The following ABCC11 variants were observed in gnomAD, a reference collection of about 807,000 sequenced individuals.
ABCC11 encodes the protein ATP binding cassette subfamily C member 11.
In ABCC11, 135 loss-of-function variants were observed where a neutral mutation model predicts 149.3. That is an observed-to-expected ratio of 0.90 (90% CI 0.79 to 1.04). The LOEUF (loss-of-function observed/expected upper bound fraction) is 1.04. ABCC11 is among the 50% of genes least tolerant of loss of function. The pLI is 0.00. For synonymous variants in ABCC11, 665 were observed against 671.4 expected (o/e 0.99, Z 0.15); for missense variants, 1,680 against 1,722.1 (o/e 0.98, Z 0.43).
At chr16:48,215,475 T>G in intron 7 of ABCC11, 131 bp from the exon 8 acceptor site, 1 of 1,077,442 alleles carries the variant, frequency 9.3e-7, no homozygotes, top group Non-Finnish European at 1.3e-6. Flanking sequence ...ATCAAAGCTC[T>G]CCAGGCCACT....
intron 1 of ABCC11, among the ~76,000 whole-genome samples, chr16:48,244,999 C>G (rs947544580): frequency 2.0e-5 from 3 of 152,166 alleles, no homozygotes; most frequent in Non-Finnish European, 4.4e-5. Context: ...CTTGCCTTCG[C>G]TTTTCACCTT....
At chr16:48,212,356 G>A (rs1228556047) in intron 10 of ABCC11, among the ~76,000 whole-genome samples, 2 of 151,960 alleles carry the variant, frequency 1.3e-5, no homozygotes, top group Non-Finnish European at 2.9e-5. Context: ...GGCTTCCCTG[G>A]GGCACACTGG....
intron 6 of ABCC11, among the ~76,000 whole-genome samples, chr16:48,222,132 T>C (rs1448820495): frequency 2.6e-5 from 4 of 151,822 alleles, no homozygotes; most frequent in African/African-American, 9.7e-5. Flanking sequence ...TCTTGCCATG[T>C]TGCCCAGGCT....
At chr16:48,221,707 G>A (rs942241702) in intron 6 of ABCC11, among the ~76,000 whole-genome samples, 24 of 152,104 alleles carry the variant, frequency 1.6e-4, no homozygotes, top group African/African-American at 5.8e-4. Flanking sequence ...AACATAATCT[G>A]GCTCAGAATA....
chr16:48,225,292 T>C (rs1970003209), intron 4 of ABCC11, among the ~76,000 whole-genome samples: 1 of 152,216 alleles, frequency 6.6e-6, no homozygotes, highest in Non-Finnish European at 1.5e-5. Context: ...TATTGAAATT[T>C]CTCTAATTAT....
chr16:48,177,776 G>A lies in ABCC11; in HGVS notation c.3349-663C>T, dbSNP rs547196357. ...GTGCCGTGTCACAGCAGCATCCCTG[G>A]GCAGGAAATCAGAGCCCTACAATTC... On this transcript the variant is annotated intron_variant, in intron 24 of 29. Transcript: ENST00000356608. 3.9e-5 allele frequency among the ~76,000 whole-genome samples: 6 copies of A among 152,292 alleles called. No individual in the cohort carries two copies. The South Asian group carries it at 1.0e-3, about 26-fold the overall frequency.
In ABCC11 at chr16:48,193,925, A is replaced by T. The variant is rs1967146807; in HGVS notation, c.2462T>A (p.Ile821Asn). 1 of 1,614,000 alleles carries T rather than the reference A, an allele frequency of 6.2e-7. No individual in the cohort carries two copies. The highest frequency in any genetic ancestry group is 1.7e-5 in the Admixed American group (1 of 60,010). ...FFVVLIVFLTIFSFWWLSYWL... is the reference protein window; with the variant it reads ...FFVVLIVFLTNFSFWWLSYWL... ...GTAGCTCAGCCACCAGAAGCTGAAG[A>T]TCGTTAAGAAGACGATCAGCACCAC... The change falls in exon 19 of 30, where the codon ATC becomes AAC. Residue 821 changes from isoleucine to asparagine, a missense_variant. Coordinates refer to ENST00000356608, the MANE Select transcript of ABCC11 (RefSeq NM_001370497.1).
In ABCC11 at chr16:48,196,337, A is replaced by G. The variant is rs765752711; in HGVS notation, c.2315-16T>C. 6.2e-7 allele frequency: 1 copy of G among 1,611,548 alleles called. No individual in the cohort carries two copies. The highest frequency in any genetic ancestry group is 1.1e-5 in the South Asian group (1 of 90,742). On this transcript the variant is annotated splice_polypyrimidine_tract_variant and intron_variant, in intron 17 of 29. Coordinates refer to ENST00000356608, the MANE Select transcript of ABCC11 (RefSeq NM_001370497.1). Reference sequence around the variant, plus strand: ...TGCTCCGGCACTGGGTCAGGGTAGAAGAAGAGAAAAGTGGTATGCCTGCCA... The same window carrying G: ...TGCTCCGGCACTGGGTCAGGGTAGAGGAAGAGAAAAGTGGTATGCCTGCCA...
chr16:48,213,723 G>A (rs528290025), intron 9 of ABCC11, among the ~76,000 whole-genome samples, 173 bp from the exon 10 acceptor site: 6 of 152,286 alleles, frequency 3.9e-5, no homozygotes, highest in South Asian at 2.1e-4. Flanking sequence ...AAGAGCACTC[G>A]TCCTGGAGTC....
In ABCC11 at chr16:48,175,429, G is replaced by A. The variant is rs1337229836; in HGVS notation, c.3539-12C>T. ...CAAGGAGGACTTCCCTGTGGGGCAAGAAACAAGCGGGGCCTCAGTTTCCTG... is the reference window on the plus strand; with the variant it reads ...CAAGGAGGACTTCCCTGTGGGGCAAAAAACAAGCGGGGCCTCAGTTTCCTG... On this transcript the variant is annotated splice_polypyrimidine_tract_variant and intron_variant, in intron 25 of 29. Coordinates refer to ENST00000356608, the MANE Select transcript of ABCC11 (RefSeq NM_001370497.1). The A allele has an allele frequency of 1.9e-6, 3 of 1,598,690 alleles. No homozygotes were observed. The Admixed American group carries it at 5.0e-5, about 27-fold the overall frequency.
intron 12 of ABCC11, among the ~76,000 whole-genome samples, chr16:48,206,259 T>C (rs1361927845): frequency 1.3e-5 from 2 of 152,208 alleles, no homozygotes; most frequent in African/African-American, 4.8e-5. Flanking sequence ...CAGAAAAATG[T>C]TCTTACTTTT....
chr16:48,199,430 C>T (rs184800299), intron 15 of ABCC11, among the ~76,000 whole-genome samples: 51 of 150,214 alleles, frequency 3.4e-4, no homozygotes, highest in Admixed American at 4.0e-4. Context: ...AAATAAGGGG[C>T]GAGAGAAAAA....
chr16:48,243,566 G>A (rs1462789483), intron 1 of ABCC11, among the ~76,000 whole-genome samples: 1 of 151,902 alleles, frequency 6.6e-6, no homozygotes, highest in Non-Finnish European at 1.5e-5. Context: ...CAAAATTTGG[G>A]TAAGGCCTAT....
In ABCC11 at chr16:48,198,048, G is replaced by T. The variant is rs1246298573; in HGVS notation, c.2237C>A (p.Ala746Glu). The change falls in exon 17 of 30, where the codon GCA (alanine) becomes GAA (glutamate). Residue 746 changes from alanine to glutamate, a missense_variant. Coordinates refer to ENST00000356608, the MANE Select transcript of ABCC11 (RefSeq NM_001370497.1). Reference sequence around the variant, plus strand: ...TACCTTTGGCTTCTCTGCTATCTTTGCTGTGTCCTGCAACATGTCCTGGGG... The same window carrying T: ...TACCTTTGGCTTCTCTGCTATCTTTTCTGTGTCCTGCAACATGTCCTGGGG... ...EATSDMLQDT[A>E]KIAEKPKVES... is the part of the protein sequence containing the mutation. 6.2e-7 allele frequency: 1 copy of T among 1,614,168 alleles called. No individual in the cohort carries two copies. The highest frequency in any genetic ancestry group is 1.7e-5 in the Admixed American group (1 of 60,018).
At chr16:48,215,402 G>GC (rs1969261863) in intron 7 of ABCC11, 58 bp from the exon 8 acceptor site, 13 of 1,577,026 alleles carry the variant, frequency 8.2e-6, no homozygotes, top group Non-Finnish European at 6.9e-6. Flanking sequence ...TTTGACAAGG[G>GC]CAGGAGAGTT....
chr16:48,241,049 C>T (rs977104963), intron 1 of ABCC11, among the ~76,000 whole-genome samples: 2 of 152,110 alleles, frequency 1.3e-5, no homozygotes, highest in African/African-American at 4.8e-5. Flanking sequence ...ATTATCCTGC[C>T]TCAGCCTCCC....
chr16:48,214,864 G>GC lies in ABCC11; in HGVS notation c.1248+16dup. On this transcript the variant is annotated intron_variant, in intron 9 of 29. Coordinates refer to ENST00000356608, the MANE Select transcript of ABCC11 (RefSeq NM_001370497.1). Reference sequence around the variant, plus strand: ...CCAATCATGATGGGGAGAAAACAAAGCCCCCCAAACCCTTACCATTGACGC... The same window carrying GC: ...CCAATCATGATGGGGAGAAAACAAAGCCCCCCCAAACCCTTACCATTGACGC... The GC allele has an allele frequency of 6.2e-7, 1 of 1,612,298 alleles. No individual in the cohort carries two copies. The highest frequency in any genetic ancestry group is 1.1e-5 in the South Asian group (1 of 90,940).
At chr16:48,237,786 T>C (rs1240111367) in intron 1 of ABCC11, among the ~76,000 whole-genome samples, 1 of 152,138 alleles carries the variant, frequency 6.6e-6, no homozygotes, top group Admixed American at 6.5e-5. Flanking sequence ...CCTAAATTCA[T>C]TCTAGCCACA....
Position 48,177,057 on chromosome 16 carries a change from C to T in ABCC11, c.3405G>A (p.Trp1135Ter). ...GAAATATGATTTCCCCATGCTGTGG[C>T]CACCCCTGGGGACAACTTGTGCCTT... ...HMEGTSCPQGWPQHGEIIFQD... is the reference protein window; with the variant it reads ...HMEGTSCPQG Residue 1135 changes from tryptophan to a stop codon, truncating the protein, a stop_gained, in exon 25 of 30, where the codon TGG (tryptophan) becomes TGA (stop). Transcript: ENST00000356608. LOFTEE classifies it high-confidence loss of function. 6.2e-7 allele frequency: 1 copy of T among 1,614,152 alleles called. No homozygotes were observed. The highest frequency in any genetic ancestry group is 1.3e-5 in the African/African-American group (1 of 75,036).
Sources: gnomAD v4.1 joint callset for allele counts (sites outside exome capture counted in the v4.1 genomes callset) on GRCh38, gnomAD v4.1.1 for gene constraint, MANE v1.5 for transcripts, NCBI Gene and HGNC (gene_info 2026-07-23, HGNC 2026-07-21) for gene names.